The following LMBR1 variants were observed in gnomAD, a reference collection of about 807,000 sequenced individuals.
LMBR1 encodes the protein limb region 1 protein homolog.
Under a neutral mutation model 73.9 loss-of-function variants are expected in LMBR1, and 52 were observed. That is an observed-to-expected ratio of 0.70 (90% CI 0.56 to 0.89). The LOEUF is 0.89. Among genes scored for constraint, LMBR1 ranks in the 40% least tolerant of loss-of-function variants. LMBR1 has a pLI of 0.00. For synonymous variants in LMBR1, 215 were observed against 209.4 expected (o/e 1.03, Z -0.23); for missense variants, 539 against 579.8 (o/e 0.93, Z 0.72).
At chr7:156,759,915 CTATTTTAAAGGGAGCAGGCA>C (rs1380822183) in intron 8 of LMBR1, among the ~76,000 whole-genome samples, 1 of 152,122 alleles carries the variant, frequency 6.6e-6, no homozygotes, top group Non-Finnish European at 1.5e-5. Flanking sequence ...TTCCGACTGG[CTATTTTAAAGGGAGCAGGCA>C]TATGAGCCAG....
At chr7:156,717,074 G>T (rs1209129516) in intron 15 of LMBR1, among the ~76,000 whole-genome samples, 1 of 152,308 alleles carries the variant, frequency 6.6e-6, no homozygotes, top group African/African-American at 2.4e-5. Flanking sequence ...AGAAGGTGGA[G>T]GCTGCAGTGA....
At chr7:156,709,076 T>TGA (rs1390308179) in intron 15 of LMBR1, among the ~76,000 whole-genome samples, 6 of 152,180 alleles carry the variant, frequency 3.9e-5, no homozygotes, top group African/African-American at 1.4e-4. Context: ...GGTATTTCTC[T>TGA]ACCTACCCTG....
At chr7:156,784,726 G>A (rs1250581798) in intron 5 of LMBR1, among the ~76,000 whole-genome samples, 1 of 152,190 alleles carries the variant, frequency 6.6e-6, no homozygotes, top group East Asian at 1.9e-4. Context: ...AGTCAATTGT[G>A]TCTCTATTAG....
intron 15 of LMBR1, among the ~76,000 whole-genome samples, chr7:156,719,158 A>T (rs1218117793): frequency 8.6e-6 from 1 of 116,768 alleles, no homozygotes; most frequent in Non-Finnish European, 1.7e-5. Flanking sequence ...CAGTCCCCAG[A>T]GTGTGATGTT....
intron 15 of LMBR1, among the ~76,000 whole-genome samples, chr7:156,714,464 C>T (rs1254034570): frequency 2.0e-5 from 3 of 152,328 alleles, no homozygotes; most frequent in African/African-American, 7.2e-5. Flanking sequence ...GTTTCTAACA[C>T]ACCTGAAGAT....
intron 4 of LMBR1, among the ~76,000 whole-genome samples, chr7:156,817,582 T>C (rs1188905165): frequency 6.6e-6 from 1 of 152,100 alleles, no homozygotes; most frequent in African/African-American, 2.4e-5. Flanking sequence ...CCTCTGCTTA[T>C]TTACTTAGAA....
At chr7:156,701,781 C>A (rs142920560) in intron 15 of LMBR1, among the ~76,000 whole-genome samples, 35 of 152,332 alleles carry the variant, frequency 2.3e-4, no homozygotes, top group African/African-American at 8.4e-4. Context: ...ACCTGATTCT[C>A]TCCCTCCCCC....
intron 6 of LMBR1, 145 bp downstream of exon 6, chr7:156,763,524 C>T: frequency 1.6e-6 from 1 of 617,092 alleles, no homozygotes; most frequent in Non-Finnish European, 2.5e-6. Flanking sequence ...ATAAAAATAT[C>T]TAAAGATTTC....
intron 1 of LMBR1, among the ~76,000 whole-genome samples, chr7:156,868,695 G>A (rs1371748498): frequency 2.0e-5 from 3 of 151,928 alleles, no homozygotes; most frequent in Non-Finnish European, 4.4e-5. Context: ...GCTAGGTGAG[G>A]TGGCTCACAC....
chr7:156,702,623 G>A (rs1295416345), intron 15 of LMBR1, among the ~76,000 whole-genome samples: 2 of 152,102 alleles, frequency 1.3e-5, no homozygotes, highest in Non-Finnish European at 2.9e-5. Context: ...AAGACACTTT[G>A]ACAGTTAAAT....
intron 4 of LMBR1, among the ~76,000 whole-genome samples, chr7:156,802,461 T>C (rs1415845686): frequency 1.3e-5 from 2 of 152,152 alleles, no homozygotes; most frequent in African/African-American, 2.4e-5. Flanking sequence ...ACAATCCATA[T>C]AGCTAAATGT....
intron 5 of LMBR1, among the ~76,000 whole-genome samples, chr7:156,771,974 A>C (rs1825264669): frequency 6.6e-6 from 1 of 152,150 alleles, no homozygotes; most frequent in African/African-American, 2.4e-5. Context: ...AACAAAACTA[A>C]AAACAAAAAC....
chr7:156,697,620 G>A (rs188411674), intron 15 of LMBR1, among the ~76,000 whole-genome samples: 71 of 152,208 alleles, frequency 4.7e-4, no homozygotes, highest in Non-Finnish European at 7.1e-4. Flanking sequence ...TTCCCTATTT[G>A]CATGTCCATT....
At chr7:156,724,433 C>T (rs1815281886) in intron 14 of LMBR1, among the ~76,000 whole-genome samples, 1 of 152,100 alleles carries the variant, frequency 6.6e-6, no homozygotes, top group Non-Finnish European at 1.5e-5. Flanking sequence ...TTACTTGACA[C>T]CTAGATAATG....
At chr7:156,813,559 GTTCTCTT>G (rs1833443446) in intron 4 of LMBR1, among the ~76,000 whole-genome samples, 1 of 151,790 alleles carries the variant, frequency 6.6e-6, no homozygotes, top group African/African-American at 2.4e-5. Context: ...TGAAATATAC[GTTCTCTT>G]CATTCTCTTG....
At chr7:156,673,486 C>T (rs1004754470), downstream of LMBR1, among the ~76,000 whole-genome samples, 1 of 152,074 alleles carries the variant, frequency 6.6e-6, no homozygotes, top group Non-Finnish European at 1.5e-5. Context: ...ATTCAAGACC[C>T]TAAATTAAGA....
chr7:156,807,000 T>C (rs903925867), intron 4 of LMBR1, among the ~76,000 whole-genome samples: 1 of 151,944 alleles, frequency 6.6e-6, no homozygotes, highest in Non-Finnish European at 1.5e-5. Context: ...TTTTGTCATA[T>C]GCTTTTTCTG....
intron 9 of LMBR1, among the ~76,000 whole-genome samples, chr7:156,739,135 T>G (rs1818434130): frequency 6.6e-6 from 1 of 151,604 alleles, no homozygotes; most frequent in African/African-American, 2.4e-5. Context: ...CAACATTCAC[T>G]ACAAGCTGAC....
Position 156,725,790 on chromosome 7 carries a change from T to G in LMBR1, c.1041A>C (p.Gly347=). ...NASLSTFGFV[G]AALEIILIFY... is the part of the protein sequence containing the mutation. ...AAATCAAAATGATTTCAAGCGCAGC[T>G]CCCACAAAACCAAACGTAGAAAGAG... is the stretch of plus-strand genomic sequence containing the variant. The change falls in exon 13 of 17, where the codon GGA becomes GGC. Residue 347 remains glycine, a synonymous_variant. Coordinates refer to ENST00000353442, the MANE Select transcript of LMBR1 (RefSeq NM_022458.4). 4 of 1,613,594 alleles carry G rather than the reference T, an allele frequency of 2.5e-6. No individual in the cohort carries two copies. The highest frequency in any genetic ancestry group is 3.4e-6 in the Non-Finnish European group (4 of 1,179,780).
Sources: gnomAD v4.1 joint callset for allele counts (sites outside exome capture counted in the v4.1 genomes callset) on GRCh38, gnomAD v4.1.1 for gene constraint, MANE v1.5 for transcripts, NCBI Gene and HGNC (gene_info 2026-07-23, HGNC 2026-07-21) for gene names.